Variants in UBE2E2 observed in about 807,000 individuals in gnomAD.
UBE2E2 encodes the protein ubiquitin conjugating enzyme E2 E2.
In UBE2E2, 6 loss-of-function variants were observed where a neutral mutation model predicts 24.7. That is an observed-to-expected ratio of 0.24 (90% CI 0.13 to 0.48). The LOEUF (loss-of-function observed/expected upper bound fraction) is 0.48. UBE2E2 is among the 20% of genes least tolerant of loss of function. The pLI is 0.99. For synonymous variants in UBE2E2, 104 were observed against 83.6 expected (o/e 1.24, Z -1.33); for missense variants, 169 against 245.0 (o/e 0.69, Z 2.07).
In UBE2E2 at chr3:23,203,379, C is replaced by T; in HGVS notation, c.-94C>T. Reference sequence around the variant, plus strand: ...GGGACATCCCGTCCCTGGGGCCTCCCCAGTCTCCCTCCCCCTCGCGCCTGG... The same window carrying T: ...GGGACATCCCGTCCCTGGGGCCTCCTCAGTCTCCCTCCCCCTCGCGCCTGG... On this transcript the variant is annotated 5_prime_UTR_variant, in exon 1 of 6. Transcript: ENST00000396703. 1 of 985,646 alleles carries T rather than the reference C, an allele frequency of 1.0e-6. No individual in the cohort carries two copies. Among genetic ancestry groups the T allele is most frequent in the Admixed American group, 6.1e-5 (1 of 16,268 alleles). The allele number at this position is 985,646 out of a possible 1,614,324, so 61.1% of individuals were successfully genotyped here. A position where few individuals can be genotyped will look rare whatever the true frequency, so the allele number is the denominator to read the frequency against.
chr3:23,209,004 C>A, intron 2 of UBE2E2, 129 bp downstream of exon 2: 2 of 1,023,842 alleles, frequency 2.0e-6, no homozygotes, highest in South Asian at 1.8e-5. Flanking sequence ...CTTTTCCCTT[C>A]AAGATGATCT....
intron 2 of UBE2E2, among the ~76,000 whole-genome samples, chr3:23,216,369 G>C (rs1013460): frequency 2.0e-5 from 3 of 151,862 alleles, no homozygotes; most frequent in Non-Finnish European, 4.4e-5. Context: ...TCTTGTTTTG[G>C]TTTTTAAAGA....
intron 4 of UBE2E2, among the ~76,000 whole-genome samples, chr3:23,510,258 C>T (rs919270924): frequency 2.6e-5 from 4 of 152,070 alleles, no homozygotes; most frequent in Non-Finnish European, 5.9e-5. Context: ...CAGGTCTTGT[C>T]CTGCCAAAAA....
intron 3 of UBE2E2, among the ~76,000 whole-genome samples, chr3:23,336,233 GA>G (rs936280809): frequency 5.3e-5 from 8 of 152,140 alleles, no homozygotes; most frequent in African/African-American, 1.9e-4. Flanking sequence ...AGAATGGGGG[GA>G]AAAGGAGGGA....
intron 5 of UBE2E2, among the ~76,000 whole-genome samples, chr3:23,553,262 A>C (rs1183752785): frequency 6.6e-6 from 1 of 152,180 alleles, no homozygotes; most frequent in African/African-American, 2.4e-5. Flanking sequence ...TAATAAAACA[A>C]AATGCTATAT....
chr3:23,421,915 A>C (rs922540076), intron 3 of UBE2E2, among the ~76,000 whole-genome samples: 1 of 152,222 alleles, frequency 6.6e-6, no homozygotes, highest in Admixed American at 6.5e-5. Flanking sequence ...GCAAAACACC[A>C]TGTTTAGCTT....
intron 5 of UBE2E2, among the ~76,000 whole-genome samples, chr3:23,552,216 T>C (rs1695661217): frequency 6.6e-6 from 1 of 152,120 alleles, no homozygotes; most frequent in Non-Finnish European, 1.5e-5. Flanking sequence ...CAGCCAGGCT[T>C]GGTGGCACCC....
rs750874159 is a variant in UBE2E2, at chr3:23,217,289, A to G, written c.204A>G (p.Thr68=). Residue 68 remains threonine, a synonymous_variant, in exon 3 of 6, where the codon ACA becomes ACG. Coordinates refer to ENST00000396703, the MANE Select transcript of UBE2E2 (RefSeq NM_152653.4). ...KRIQKELAEI[T]LDPPPNCSAG... is the part of the protein sequence containing the mutation. ...TTCAGAAGGAACTTGCAGAAATCAC[A>G]TTGGACCCTCCTCCCAACTGTAGGT... is the stretch of plus-strand genomic sequence containing the variant. The G allele has an allele frequency of 3.3e-5, 54 of 1,612,798 alleles. No individual in the cohort carries two copies. Among genetic ancestry groups the G allele is most frequent in the South Asian group, 2.5e-4 (23 of 91,026 alleles).
At chr3:23,353,223 A>G (rs552318120) in intron 3 of UBE2E2, among the ~76,000 whole-genome samples, 1 of 152,320 alleles carries the variant, frequency 6.6e-6, no homozygotes, top group South Asian at 2.1e-4. Flanking sequence ...TTAGGTATTG[A>G]TGGGACGTAT....
intron 3 of UBE2E2, among the ~76,000 whole-genome samples, chr3:23,266,686 G>C (rs896096201): frequency 6.6e-6 from 1 of 152,114 alleles, no homozygotes; most frequent in Non-Finnish European, 1.5e-5. Flanking sequence ...ATTGAACTCA[G>C]CTCCACACCA....
intron 3 of UBE2E2, among the ~76,000 whole-genome samples, chr3:23,355,750 G>A (rs190174172): frequency 6.6e-6 from 1 of 152,096 alleles, no homozygotes; most frequent in Admixed American, 6.6e-5. Flanking sequence ...AACCTGTATT[G>A]CATGAGCAAT....
At chr3:23,253,373 A>T (rs980210389) in intron 3 of UBE2E2, among the ~76,000 whole-genome samples, 3 of 152,212 alleles carry the variant, frequency 2.0e-5, no homozygotes, top group African/African-American at 7.2e-5. Context: ...GGCATAGTAC[A>T]CAAACTGTTC....
intron 3 of UBE2E2, among the ~76,000 whole-genome samples, chr3:23,263,331 A>G (rs1044447390): frequency 3.5e-4 from 54 of 152,202 alleles, no homozygotes; most frequent in African/African-American, 1.2e-3. Context: ...GTATTTAACT[A>G]TTTACACAAA....
At chr3:23,239,104 T>C (rs961556915) in intron 3 of UBE2E2, among the ~76,000 whole-genome samples, 1 of 152,290 alleles carries the variant, frequency 6.6e-6, no homozygotes, top group African/African-American at 2.4e-5. Context: ...TATATTTCCC[T>C]CTTCTTTGAA....
chr3:23,291,997 T>A (rs893678280), intron 3 of UBE2E2, among the ~76,000 whole-genome samples: 2 of 151,872 alleles, frequency 1.3e-5, no homozygotes, highest in Non-Finnish European at 2.9e-5. Context: ...TAGCTGGGAC[T>A]ACAGGCGCCC....
intron 3 of UBE2E2, among the ~76,000 whole-genome samples, chr3:23,440,214 C>T (rs987379246): frequency 2.0e-5 from 3 of 152,082 alleles, no homozygotes; most frequent in Non-Finnish European, 4.4e-5. Context: ...TCGGAGGTTG[C>T]AGTGAGCCAA....
intron 3 of UBE2E2, among the ~76,000 whole-genome samples, chr3:23,405,233 G>A (rs766953776): frequency 2.0e-5 from 3 of 152,080 alleles, no homozygotes; most frequent in Non-Finnish European, 4.4e-5. Context: ...TTTACACTTG[G>A]TCAAAGCATT....
chr3:23,441,396 G>A (rs1698300358), intron 3 of UBE2E2, among the ~76,000 whole-genome samples: 1 of 148,890 alleles, frequency 6.7e-6, no homozygotes, highest in African/African-American at 2.5e-5. Flanking sequence ...AAAATTAGCT[G>A]GGCATGGTGG....
chr3:23,286,512 C>G (rs1575532550), intron 3 of UBE2E2, among the ~76,000 whole-genome samples: 1 of 152,072 alleles, frequency 6.6e-6, no homozygotes, highest in Admixed American at 6.5e-5. Context: ...GTCTGTGTGT[C>G]TGTTTTTTAT....
Sources: gnomAD v4.1 joint callset for allele counts (sites outside exome capture counted in the v4.1 genomes callset) on GRCh38, gnomAD v4.1.1 for gene constraint, MANE v1.5 for transcripts, NCBI Gene and HGNC (gene_info 2026-07-23, HGNC 2026-07-21) for gene names.